Variants in DNAJC3 observed in about 807,000 individuals in gnomAD.
DNAJC3 encodes DnaJ heat shock protein family (Hsp40) member C3.
A neutral mutation model predicts 68.6 loss-of-function variants in DNAJC3; 38 were observed. The observed-to-expected ratio is 0.55, with a 90% CI of 0.43 to 0.73. The LOEUF is 0.73. Among genes scored for constraint, DNAJC3 ranks in the 30% least tolerant of loss-of-function variants. The pLI, the probability that DNAJC3 is intolerant of heterozygous loss-of-function variation, is 0.00. For missense variants in DNAJC3, 526 were observed against 591.9 expected (o/e 0.89, Z 1.16); for synonymous variants, 203 against 204.0 (o/e 1.00, Z 0.04).
At chr13:95,691,148 C>T (rs1880241380) in intron 1 of DNAJC3, among the ~76,000 whole-genome samples, 2 of 148,330 alleles carry the variant, frequency 1.3e-5, no homozygotes, top group Admixed American at 1.3e-4. Flanking sequence ...AGGGGGCTGA[C>T]CCCCCCACCT....
chr13:95,765,048 TC>T (rs1882953970), intron 9 of DNAJC3, among the ~76,000 whole-genome samples: 1 of 152,118 alleles, frequency 6.6e-6, no homozygotes, highest in South Asian at 2.1e-4. Flanking sequence ...CTAAGCAAGT[TC>T]CCAGTTTCCA....
intron 9 of DNAJC3, among the ~76,000 whole-genome samples, chr13:95,773,720 A>G (rs1482088783): frequency 1.4e-5 from 2 of 140,860 alleles, no homozygotes; most frequent in Non-Finnish European, 3.1e-5. Context: ...AGTTTGGTCA[A>G]TTTTGTTGGT....
intron 2 of DNAJC3, 30 bp downstream of exon 2, chr13:95,709,367 G>A (rs775129839): frequency 3.1e-5 from 47 of 1,495,452 alleles, no homozygotes; most frequent in Non-Finnish European, 4.3e-5. Flanking sequence ...ATCACTCAGT[G>A]TCTGTCTTAG....
chr13:95,766,646 A>G (rs530750565), intron 9 of DNAJC3, among the ~76,000 whole-genome samples: 19 of 151,990 alleles, frequency 1.3e-4, no homozygotes, highest in South Asian at 2.1e-4. Context: ...AGTGGAGAGT[A>G]TGGAATTTAG....
chr13:95,710,937 G>A (rs1593969558), intron 2 of DNAJC3, among the ~76,000 whole-genome samples: 2 of 152,102 alleles, frequency 1.3e-5, no homozygotes, highest in East Asian at 3.9e-4. Context: ...CCATCTGCCT[G>A]CCTCAGCCTC....
chr13:95,744,963 A>G (rs1212671591), intron 4 of DNAJC3: 1 of 152,230 alleles, frequency 6.6e-6, no homozygotes, highest in Non-Finnish European at 1.5e-5. Flanking sequence ...TAATATGTTG[A>G]CACTGCAAAC....
At chr13:95,696,988 T>C (rs1022005300) in intron 1 of DNAJC3, among the ~76,000 whole-genome samples, 2 of 152,224 alleles carry the variant, frequency 1.3e-5, no homozygotes, top group African/African-American at 4.8e-5. Context: ...TTTGCCGTTG[T>C]ATCTGTTAGG....
At chr13:95,785,404 G>A (rs950242687) in intron 9 of DNAJC3, among the ~76,000 whole-genome samples, 3 of 143,486 alleles carry the variant, frequency 2.1e-5, no homozygotes, top group African/African-American at 7.7e-5. Context: ...TGTTGAATGA[G>A]AATAATAAAC....
chr13:95,774,884 C>T (rs1330521306), intron 9 of DNAJC3, among the ~76,000 whole-genome samples: 3 of 152,250 alleles, frequency 2.0e-5, no homozygotes, highest in Middle Eastern at 3.4e-3. Flanking sequence ...CTCTTATAGA[C>T]ATCATGTAGT....
intron 1 of DNAJC3, among the ~76,000 whole-genome samples, chr13:95,683,287 G>A (rs757411347): frequency 6.6e-6 from 1 of 152,250 alleles, no homozygotes; most frequent in Admixed American, 6.5e-5. Flanking sequence ...TAATGGTGGG[G>A]TGGTATGATT....
intron 4 of DNAJC3, among the ~76,000 whole-genome samples, chr13:95,736,849 A>T (rs1264987981): frequency 3.4e-5 from 5 of 148,220 alleles, no homozygotes; most frequent in African/African-American, 5.2e-5. Context: ...CAGAACTTCC[A>T]ACACTATGTT....
rs531228004 is a variant in DNAJC3, at chr13:95,712,936, C to T, written c.193+3599C>T. 2.2e-4 allele frequency among the ~76,000 whole-genome samples: 34 copies of T among 152,072 alleles called. 1 individual carries two copies. The highest frequency in any genetic ancestry group is 3.3e-4 in the Admixed American group (5 of 15,282). ...TAATTTAATCATGGGGGTGGTTACC[C>T]CCATGCTGTTCTCATGAAAGTGAAT... On this transcript the variant is annotated intron_variant, in intron 2 of 11. Transcript: ENST00000602402.
At chr13:95,763,786 A>G (rs760510326) in intron 8 of DNAJC3, 38 bp downstream of exon 8, 57 of 1,613,730 alleles carry the variant, frequency 3.5e-5, no homozygotes, top group Middle Eastern at 3.3e-4. Context: ...TGAAAACTCA[A>G]CATGTGGAAT....
At chr13:95,743,573 A>G (rs896101440) in intron 4 of DNAJC3, among the ~76,000 whole-genome samples, 6 of 151,962 alleles carry the variant, frequency 3.9e-5, no homozygotes, top group African/African-American at 1.5e-4. Context: ...TGATTGATTG[A>G]TTGAGACAGA....
intron 9 of DNAJC3, among the ~76,000 whole-genome samples, chr13:95,785,452 CTTTTTTTTTTTTT>C (rs36052714): frequency 7.7e-5 from 6 of 77,926 alleles, no homozygotes; most frequent in Admixed American, 1.9e-4. Context: ...CCTTTTAAAC[CTTTTTTTTTTTTT>C]TTTTTTTTTT....
intron 1 of DNAJC3, among the ~76,000 whole-genome samples, chr13:95,707,748 C>T (rs190646654): frequency 9.2e-5 from 14 of 152,234 alleles, no homozygotes; most frequent in Admixed American, 5.9e-4. Flanking sequence ...AGAACTCTAA[C>T]GGATATTCTA....
intron 4 of DNAJC3, among the ~76,000 whole-genome samples, chr13:95,736,718 G>C (rs1292276404): frequency 6.7e-6 from 1 of 148,216 alleles, no homozygotes; most frequent in Non-Finnish European, 1.5e-5. Flanking sequence ...AGGAGATTTT[G>C]GGCTGAGACA....
chr13:95,729,595 A>G (rs1881647799), intron 4 of DNAJC3, among the ~76,000 whole-genome samples: 1 of 152,110 alleles, frequency 6.6e-6, no homozygotes, highest in South Asian at 2.1e-4. Context: ...ACTGTTTTAC[A>G]TAGTGGCTGT....
intron 4 of DNAJC3, among the ~76,000 whole-genome samples, chr13:95,733,100 A>G (rs1881768590): frequency 6.6e-6 from 1 of 152,142 alleles, no homozygotes; most frequent in African/African-American, 2.4e-5. Context: ...AGCAGTATGT[A>G]TATTCTACTG....
Sources: allele counts gnomAD v4.1 joint callset (sites outside exome capture counted in the v4.1 genomes callset), GRCh38; gene constraint gnomAD v4.1.1; transcripts MANE v1.5; gene names NCBI Gene and HGNC (gene_info 2026-07-23, HGNC 2026-07-21).